CCDC169: variants seen among roughly 807,000 people sequenced by gnomAD.
CCDC169 encodes the protein coiled-coil domain containing 169, also known as coiled-coil domain-containing protein 169.
Under a neutral mutation model 36.0 loss-of-function variants are expected in CCDC169, and 30 were observed. The ratio of observed to expected loss-of-function variants is 0.83; its 90% confidence interval spans 0.62 to 1.13. The LOEUF is 1.13. CCDC169 is among the 50% of genes most tolerant of loss of function. CCDC169 has a pLI of 0.00. For synonymous variants in CCDC169, 85 were observed against 81.5 expected (o/e 1.04, Z -0.23); for missense variants, 245 against 245.9 (o/e 1.00, Z 0.03).
chr13:36,253,914 A>C (rs962331577), intron 5 of CCDC169, 58 bp from the exon 6 acceptor site: 1 of 1,543,236 alleles, frequency 6.5e-7, no homozygotes. Flanking sequence ...CAATACTAGC[A>C]AGACTAAGTT....
chr13:36,260,817 C>G (rs952975922), intron 4 of CCDC169, among the ~76,000 whole-genome samples: 13 of 152,140 alleles, frequency 8.5e-5, no homozygotes, highest in Admixed American at 6.5e-5. Context: ...CTAGAACTTT[C>G]TTTTCTGAAT....
chr13:36,231,252 T>C lies in CCDC169; in HGVS notation c.586A>G (p.Lys196Glu). 6.4e-7 allele frequency: 1 copy of C among 1,551,502 alleles called. No homozygotes were observed. Among genetic ancestry groups the C allele is most frequent in the Non-Finnish European group, 8.7e-7 (1 of 1,146,854 alleles). ...NPAKQKTVSA[K>E]RGPVKKITRP... The stretch of plus-strand genomic sequence containing the variant: ...GTAATCTTTTTTACTGGTCCTCTCT[T>C]GGCACTCACTGTCTTCTGCTTAGCT... Residue 196 changes from lysine (K) to glutamate (E), a missense_variant, in exon 8 of 8, where the codon AAG (lysine) becomes GAG (glutamate). Lys to Glu is a moderately conservative substitution (Grantham distance 56, BLOSUM62 1). Transcript: ENST00000239859.
intron 7 of CCDC169, among the ~76,000 whole-genome samples, chr13:36,237,238 T>C (rs977026803): frequency 5.3e-5 from 8 of 152,060 alleles, no homozygotes; most frequent in African/African-American, 1.9e-4. Context: ...AAAACCACAG[T>C]AAGATATCAC....
intron 4 of CCDC169, among the ~76,000 whole-genome samples, chr13:36,258,423 T>A (rs1276517724): frequency 1.3e-5 from 2 of 151,998 alleles, no homozygotes; most frequent in Non-Finnish European, 2.9e-5. Flanking sequence ...AAATAGGAGG[T>A]TGGCACAAGG....
At chr13:36,265,841 G>A (rs1171941335) in intron 4 of CCDC169, among the ~76,000 whole-genome samples, 1 of 152,184 alleles carries the variant, frequency 6.6e-6, no homozygotes, top group Non-Finnish European at 1.5e-5. Context: ...TGCAGGGGTA[G>A]GGGAGTCTGT....
intron 4 of CCDC169, among the ~76,000 whole-genome samples, chr13:36,260,713 C>A (rs1176019871): frequency 1.3e-5 from 2 of 152,178 alleles, no homozygotes. Flanking sequence ...TATTCTACCA[C>A]TCTACTTCTT....
At chr13:36,295,747 G>T in intron 2 of CCDC169, 31 bp downstream of exon 2, 3 of 1,087,018 alleles carry the variant, frequency 2.8e-6, no homozygotes, top group Non-Finnish European at 4.1e-6. Context: ...AATTATACAG[G>T]AGTCACAAAT....
At chr13:36,241,794 T>G (rs1871853550) in intron 7 of CCDC169, among the ~76,000 whole-genome samples, 1 of 152,184 alleles carries the variant, frequency 6.6e-6, no homozygotes, top group Non-Finnish European at 1.5e-5. Context: ...AAAATAATGC[T>G]AAAATGTATT....
At chr13:36,293,588 T>C (rs1879154787) in intron 2 of CCDC169, among the ~76,000 whole-genome samples, 1 of 152,180 alleles carries the variant, frequency 6.6e-6, no homozygotes, top group African/African-American at 2.4e-5. Context: ...TTATGTCTTT[T>C]GGAATGCTTG....
At chr13:36,223,510 AC>A (rs1869715678), downstream of CCDC169, 1 of 152,202 alleles carries the variant, frequency 6.6e-6, no homozygotes, top group Non-Finnish European at 1.5e-5. Context: ...TTGAATGTTA[AC>A]CTGTAAAAAT....
intron 7 of CCDC169, among the ~76,000 whole-genome samples, chr13:36,243,609 C>T (rs1335726596): frequency 6.6e-6 from 1 of 152,114 alleles, no homozygotes; most frequent in Non-Finnish European, 1.5e-5. Context: ...AAGTTCGAGA[C>T]CAGCCTGATC....
chr13:36,281,855 C>A (rs1308788190), intron 4 of CCDC169, among the ~76,000 whole-genome samples: 2 of 151,046 alleles, frequency 1.3e-5, no homozygotes, highest in Non-Finnish European at 3.0e-5. Context: ...GAGTGAGACC[C>A]TCCCTCAAAA....
At chr13:36,271,016 C>T (rs1432261520) in intron 4 of CCDC169, among the ~76,000 whole-genome samples, 6 of 152,046 alleles carry the variant, frequency 3.9e-5, no homozygotes, top group Admixed American at 3.9e-4. Flanking sequence ...TATTTGCAAA[C>T]CACACATCTG....
chr13:36,250,552 C>T (rs1454208671), intron 6 of CCDC169, among the ~76,000 whole-genome samples: 1 of 152,190 alleles, frequency 6.6e-6, no homozygotes, highest in Non-Finnish European at 1.5e-5. Context: ...CTAAGTACTA[C>T]ATTTAAACCT....
intron 4 of CCDC169, among the ~76,000 whole-genome samples, chr13:36,258,784 T>C (rs967670445): frequency 1.1e-4 from 16 of 152,178 alleles, no homozygotes; most frequent in Non-Finnish European, 1.5e-5. Context: ...GCCATTCTTT[T>C]ATTCCTTTAC....
intron 4 of CCDC169, among the ~76,000 whole-genome samples, chr13:36,276,107 T>C (rs1369790100): frequency 4.6e-5 from 7 of 152,234 alleles, no homozygotes; most frequent in East Asian, 3.8e-4. Flanking sequence ...GAAGGGAATA[T>C]AGACAAACAG....
chr13:36,285,704 T>C (rs1208158691), intron 2 of CCDC169, among the ~76,000 whole-genome samples: 1 of 152,142 alleles, frequency 6.6e-6, no homozygotes, highest in Non-Finnish European at 1.5e-5. Flanking sequence ...ATCCGGCTGC[T>C]TGCCACTTAC....
intron 4 of CCDC169, among the ~76,000 whole-genome samples, chr13:36,273,828 T>C (rs1202117959): frequency 6.6e-6 from 1 of 152,240 alleles, no homozygotes; most frequent in Non-Finnish European, 1.5e-5. Context: ...CTTCGTGCCT[T>C]GTCCTTCGTT....
At chr13:36,222,115 G>T (rs1869644238) in exon 7 of CCDC169, 1 of 152,148 alleles carries the variant, frequency 6.6e-6, no homozygotes, top group Non-Finnish European at 1.5e-5. Context: ...TTACTGTGAA[G>T]AAACAGAAAA....
Sources: gnomAD v4.1 joint callset for allele counts (sites outside exome capture counted in the v4.1 genomes callset) on GRCh38, gnomAD v4.1.1 for gene constraint, MANE v1.5 for transcripts, NCBI Gene and HGNC (gene_info 2026-07-23, HGNC 2026-07-21) for gene names.